PDE11A: variants seen among roughly 807,000 people sequenced by gnomAD.
The protein encoded by PDE11A is dual 3',5'-cyclic-AMP and -GMP phosphodiesterase 11A.
Under a neutral mutation model 100.5 loss-of-function variants are expected in PDE11A, and 100 were observed. The ratio of observed to expected loss-of-function variants is 1.00; its 90% CI spans 0.85 to 1.18. The LOEUF (loss-of-function observed/expected upper bound fraction) is 1.18. PDE11A is among the 50% of genes most tolerant of loss of function. PDE11A has a pLI of 0.00. For missense variants in PDE11A, 1,141 were observed against 1,152.6 expected (o/e 0.99, Z 0.15); for synonymous variants, 381 against 420.8 (o/e 0.91, Z 1.16).
intron 10 of PDE11A, among the ~76,000 whole-genome samples, chr2:177,736,902 C>T (rs2081792632): frequency 6.6e-6 from 1 of 152,186 alleles, no homozygotes; most frequent in Admixed American, 6.5e-5. Context: ...GGGTAATGCA[C>T]CCTTGCTTAG....
At chr2:177,934,475 T>C (rs2085248453) in intron 2 of PDE11A, among the ~76,000 whole-genome samples, 1 of 151,906 alleles carries the variant, frequency 6.6e-6, no homozygotes, top group East Asian at 1.9e-4. Context: ...TACTAAAAAG[T>C]CAAAAAACAA....
chr2:177,704,284 G>A (rs1237708543), intron 13 of PDE11A, among the ~76,000 whole-genome samples: 1 of 152,102 alleles, frequency 6.6e-6, no homozygotes, highest in Non-Finnish European at 1.5e-5. Context: ...TCACTTTTCT[G>A]CAAACAAGGT....
intron 2 of PDE11A, among the ~76,000 whole-genome samples, chr2:177,955,575 A>G (rs1380276426): frequency 6.6e-6 from 1 of 152,204 alleles, no homozygotes; most frequent in African/African-American, 2.4e-5. Flanking sequence ...TAGGTCTGCA[A>G]TGGCCTGAGA....
chr2:177,837,061 G>C (rs2083413754), intron 6 of PDE11A, among the ~76,000 whole-genome samples: 1 of 152,194 alleles, frequency 6.6e-6, no homozygotes, highest in Non-Finnish European at 1.5e-5. Flanking sequence ...CAGCAAAAGG[G>C]TAAAAGTTTC....
At position 178,071,563 on chromosome 2, in the gene PDE11A, TC is replaced by T. The variant is rs775807721; in HGVS notation, c.874del (p.Glu292SerfsTer24). 3 of 1,613,052 alleles carry T rather than the reference TC, an allele frequency of 1.9e-6. No homozygotes were observed. Among genetic ancestry groups the T allele is most frequent in the Non-Finnish European group, 2.5e-6 (3 of 1,179,028 alleles). Reference sequence around the variant, plus strand: ...AGGAATGTTGACCGTTTCTCCATGCTCCCCGACATAGCCAATGATACCTTTG... The same window carrying T: ...AGGAATGTTGACCGTTTCTCCATGCTCCCGACATAGCCAATGATACCTTTG... ...WGKGIIGYVGEHGETVNIPDA... is the reference protein window; with the variant it reads ...WGKGIIGYVGXHGETVNIPDA... On this transcript the variant is annotated frameshift_variant, in exon 1 of 20. Transcript: ENST00000286063. LOFTEE classifies it high-confidence loss of function.
At chr2:177,668,019 C>A (rs2080615460) in intron 18 of PDE11A, among the ~76,000 whole-genome samples, 1 of 152,180 alleles carries the variant, frequency 6.6e-6, no homozygotes, top group Non-Finnish European at 1.5e-5. Flanking sequence ...TGAGGGCTAA[C>A]CCTGCCACAT....
chr2:178,029,563 G>T (rs1250462729), intron 1 of PDE11A, among the ~76,000 whole-genome samples: 1 of 151,826 alleles, frequency 6.6e-6, no homozygotes, highest in Non-Finnish European at 1.5e-5. Flanking sequence ...AAAAAAAAAT[G>T]TTCAACTTAA....
rs1318752139 is a variant in PDE11A at position 178,072,472 on chromosome 2, G to C, written c.-35C>G. The stretch of plus-strand genomic sequence containing the variant: ...CAGCTTTCCTTGCCTGTTTACACGT[G>C]AACCAAATGTTTTCCTGCCCCGAGG... On this transcript the variant is annotated 5_prime_UTR_variant, in exon 1 of 20. Coordinates refer to ENST00000286063, the MANE Select transcript of PDE11A (RefSeq NM_016953.4). The C allele has an allele frequency of 6.2e-7, 1 of 1,611,916 alleles. No individual in the cohort carries two copies. The highest frequency in any genetic ancestry group is 1.3e-5 in the African/African-American group (1 of 75,036).
At chr2:178,030,552 T>C (rs947530712) in intron 1 of PDE11A, among the ~76,000 whole-genome samples, 2 of 151,990 alleles carry the variant, frequency 1.3e-5, no homozygotes, top group African/African-American at 4.8e-5. Context: ...GATATAACTT[T>C]GCTTTCAAAA....
chr2:177,660,083 CTTTCTTTCTTTCTT>C (rs757539795), intron 19 of PDE11A, among the ~76,000 whole-genome samples: 669 of 37,536 alleles, frequency 0.018, 37 homozygotes, highest in African/African-American at 0.028. Context: ...TTCTTTCTTT[CTTTCTTTCTTTCTT>C]TCTCTCTCTC....
chr2:177,787,874 C>A lies in PDE11A; in HGVS notation c.1738-18501G>T, dbSNP rs1438499278. Among the ~76,000 whole-genome samples the A allele has an allele frequency of 2.0e-5, 3 of 152,202 alleles. No homozygotes were observed. The East Asian group carries it at 5.8e-4, about 29-fold the overall frequency. ...ATATATGCACCCAATACAGGAGCAC[C>A]CAGATTCATAAAGCAAGTCCTGAAT... On this transcript the variant is annotated intron_variant, in intron 9 of 19. Coordinates refer to ENST00000286063, the MANE Select transcript of PDE11A (RefSeq NM_016953.4).
intron 5 of PDE11A, among the ~76,000 whole-genome samples, chr2:177,858,490 A>C (rs1270404855): frequency 1.3e-5 from 2 of 152,174 alleles, no homozygotes; most frequent in Non-Finnish European, 2.9e-5. Context: ...CAGACACATG[A>C]AAAAATGCTC....
In PDE11A at chr2:177,905,190, G is replaced by A. The variant is rs13012088; in HGVS notation, c.1072-3C>T. ...AATGGAAGATACATCTGCATAACCTGGGACAAAGAGAGTAGTAAGAACATT... is the reference window on the plus strand; with the variant it reads ...AATGGAAGATACATCTGCATAACCTAGGACAAAGAGAGTAGTAAGAACATT... On this transcript the variant is annotated splice_polypyrimidine_tract_variant and splice_region_variant and intron_variant, in intron 2 of 19. Transcript: ENST00000286063. The A allele has an allele frequency of 0.13, 201,827 of 1,542,320 alleles. 14,855 individuals carry two copies. The highest frequency in any genetic ancestry group is 0.15 in the Non-Finnish European group (162,453 of 1,114,320).
chr2:178,070,667 G>A (rs995935697), intron 1 of PDE11A, among the ~76,000 whole-genome samples: 38 of 152,322 alleles, frequency 2.5e-4, no homozygotes, highest in Middle Eastern at 3.4e-3. Context: ...TCAAAATGCT[G>A]TGAAAATGAA....
At chr2:177,762,667 T>A (rs1312238903) in intron 10 of PDE11A, among the ~76,000 whole-genome samples, 2 of 151,986 alleles carry the variant, frequency 1.3e-5, no homozygotes, top group African/African-American at 4.8e-5. Context: ...AATTCTGCTG[T>A]GCTAACATGG....
intron 5 of PDE11A, among the ~76,000 whole-genome samples, chr2:177,857,874 A>G (rs1314193301): frequency 6.6e-6 from 1 of 152,148 alleles, no homozygotes; most frequent in Non-Finnish European, 1.5e-5. Flanking sequence ...AACAGTAGCA[A>G]AAGAGAGCTG....
At chr2:177,904,997 T>C (rs1200537694) in intron 3 of PDE11A, 101 bp downstream of exon 3, 3 of 762,318 alleles carry the variant, frequency 3.9e-6, no homozygotes, top group Non-Finnish European at 7.3e-6. Flanking sequence ...ATTCCTGTAC[T>C]ATTCAAAGAT....
intron 10 of PDE11A, among the ~76,000 whole-genome samples, chr2:177,762,998 G>C (rs1397214139): frequency 1.3e-5 from 2 of 152,152 alleles, no homozygotes; most frequent in African/African-American, 4.8e-5. Flanking sequence ...CAATACTCAA[G>C]AGTGACAAAG....
intron 2 of PDE11A, among the ~76,000 whole-genome samples, chr2:177,965,538 A>G (rs750189925): frequency 3.3e-5 from 5 of 152,168 alleles, no homozygotes; most frequent in Admixed American, 1.3e-4. Flanking sequence ...ATTTTTATAT[A>G]TGGTGAAATG....
Sources: gnomAD v4.1 joint callset for allele counts (sites outside exome capture counted in the v4.1 genomes callset) on GRCh38, gnomAD v4.1.1 for gene constraint, MANE v1.5 for transcripts, NCBI Gene and HGNC (gene_info 2026-07-23, HGNC 2026-07-21) for gene names.